The following FGD4 variants were observed in gnomAD, a reference collection of about 807,000 sequenced individuals.
FGD4 encodes FYVE, RhoGEF and PH domain containing 4.
Under a neutral mutation model 102.0 loss-of-function variants are expected in FGD4, and 42 were observed. The observed-to-expected ratio is 0.41, with a 90% confidence interval of 0.32 to 0.53. The LOEUF is 0.53. FGD4 is among the 20% of genes least tolerant of loss of function. The pLI is 0.21. For missense variants in FGD4, 902 were observed against 1,078.2 expected (o/e 0.84, Z 2.29); for synonymous variants, 380 against 375.7 (o/e 1.01, Z -0.13).
chr12:32,566,576 T>C (rs186263926), intron 2 of FGD4, among the ~76,000 whole-genome samples: 32 of 152,242 alleles, frequency 2.1e-4, no homozygotes, highest in Admixed American at 4.6e-4. Context: ...ACTTTGAACA[T>C]GCGCCATGCA....
intron 7 of FGD4, among the ~76,000 whole-genome samples, chr12:32,603,852 G>A (rs192427519): frequency 3.3e-5 from 5 of 152,014 alleles, no homozygotes; most frequent in Admixed American, 1.3e-4. Context: ...ACAGGCATGC[G>A]CCACCACCCT....
intron 2 of FGD4, among the ~76,000 whole-genome samples, chr12:32,572,815 T>C (rs1945780390): frequency 1.3e-5 from 2 of 152,228 alleles, no homozygotes; most frequent in Non-Finnish European, 2.9e-5. Flanking sequence ...TGTGATCTTG[T>C]ATATGTGTTT....
chr12:32,569,126 G>T (rs1464891071), intron 2 of FGD4, among the ~76,000 whole-genome samples: 1 of 152,016 alleles, frequency 6.6e-6, no homozygotes, highest in Admixed American at 6.6e-5. Context: ...ATCTTATCAG[G>T]AAATCTACTT....
intron 2 of FGD4, among the ~76,000 whole-genome samples, chr12:32,574,100 A>T (rs1351319354): frequency 6.6e-6 from 1 of 152,188 alleles, no homozygotes; most frequent in Non-Finnish European, 1.5e-5. Context: ...ACAGTTTAAG[A>T]GGTGGACACA....
intron 14 of FGD4, among the ~76,000 whole-genome samples, chr12:32,629,302 A>G (rs1176699028): frequency 6.6e-6 from 1 of 152,204 alleles, no homozygotes; most frequent in South Asian, 2.1e-4. Flanking sequence ...GTGTGCTGTT[A>G]ATTGACATAA....
chr12:32,434,149 C>A (rs929970355), intron 1 of FGD4, among the ~76,000 whole-genome samples: 1 of 152,154 alleles, frequency 6.6e-6, no homozygotes, highest in African/African-American at 2.4e-5. Context: ...CCACTGTGCC[C>A]GGCCTGATAA....
At chr12:32,411,378 A>G (rs1941200965) in intron 1 of FGD4, among the ~76,000 whole-genome samples, 1 of 151,864 alleles carries the variant, frequency 6.6e-6, no homozygotes, top group South Asian at 2.1e-4. Flanking sequence ...TACTAAAAAT[A>G]CAAAAGTTAG....
intron 1 of FGD4, among the ~76,000 whole-genome samples, chr12:32,491,598 T>G (rs1036038034): frequency 7.9e-5 from 12 of 152,224 alleles, no homozygotes; most frequent in African/African-American, 2.9e-4. Context: ...CCTGCTGATA[T>G]GGGAAAGGTT....
At chr12:32,431,292 A>G (rs116290651) in intron 1 of FGD4, among the ~76,000 whole-genome samples, 1,628 of 152,258 alleles carry the variant, frequency 0.011, 28 homozygotes, top group African/African-American at 0.037. Context: ...ATTGGCGGCA[A>G]TTGCGTGTAT....
At position 32,563,091 on chromosome 12, in the gene FGD4, G is replaced by C. The variant is rs1384131082; in HGVS notation, c.167-1046G>C. Among the ~76,000 whole-genome samples the C allele has an allele frequency of 3.2e-3, 467 of 147,968 alleles. 6 individuals are homozygous for C. The highest frequency in any genetic ancestry group is 0.011 in the African/African-American group (445 of 40,500). ...GACGGGGCGGCTGGCCGGGCGGGGG[G>C]CTGACCCCCCCCACCTCCCTCCCGG... is the stretch of plus-strand genomic sequence containing the variant. On this transcript the variant is annotated intron_variant, in intron 1 of 16. Transcript: ENST00000534526.
chr12:32,631,342 C>T (rs1199569363), intron 14 of FGD4, among the ~76,000 whole-genome samples: 1 of 152,050 alleles, frequency 6.6e-6, no homozygotes, highest in Non-Finnish European at 1.5e-5. Flanking sequence ...ACACAGAAAA[C>T]AGTAGGTGTT....
intron 1 of FGD4, among the ~76,000 whole-genome samples, chr12:32,431,129 T>C (rs76889130): frequency 0.038 from 5,829 of 152,280 alleles, 153 homozygotes; most frequent in Non-Finnish European, 0.059. Flanking sequence ...AAAAAAGGAA[T>C]AGAAAATTAA....
intron 1 of FGD4, among the ~76,000 whole-genome samples, chr12:32,410,689 C>T (rs1186800517): frequency 1.3e-5 from 2 of 152,032 alleles, no homozygotes; most frequent in African/African-American, 2.4e-5. Flanking sequence ...CATGCACATC[C>T]GTTCATTGGA....
At chr12:32,562,703 T>C (rs1335817468) in intron 1 of FGD4, among the ~76,000 whole-genome samples, 1 of 152,206 alleles carries the variant, frequency 6.6e-6, no homozygotes, top group Admixed American at 6.5e-5. Context: ...ACACAGCACA[T>C]GTTTCAGAGA....
At chr12:32,595,698 G>A (rs1303616686) in intron 4 of FGD4, among the ~76,000 whole-genome samples, 1 of 152,164 alleles carries the variant, frequency 6.6e-6, no homozygotes. Flanking sequence ...TAAGAAATGA[G>A]GGGTGGGAAA....
At chr12:32,600,401 C>G in intron 5 of FGD4, 1 of 1,266,964 alleles carries the variant, frequency 7.9e-7, no homozygotes, top group Non-Finnish European at 1.0e-6. Context: ...GTTCTTTTTG[C>G]CTCTCAAGAA....
chr12:32,592,969 A>G (rs1947602815), intron 4 of FGD4, among the ~76,000 whole-genome samples: 1 of 152,220 alleles, frequency 6.6e-6, no homozygotes, highest in African/African-American at 2.4e-5. Flanking sequence ...TTACAGGCAC[A>G]TATCACAGTC....
chr12:32,556,873 G>C (rs1310705641), intron 1 of FGD4: 2 of 152,182 alleles, frequency 1.3e-5, no homozygotes, highest in Admixed American at 1.3e-4. Flanking sequence ...TTGTTTTTAA[G>C]ATGGAGTCTC....
At chr12:32,578,989 T>C (rs1443851403) in intron 3 of FGD4, among the ~76,000 whole-genome samples, 2 of 151,478 alleles carry the variant, frequency 1.3e-5, no homozygotes, top group African/African-American at 4.9e-5. Context: ...TAGGAACCAC[T>C]TTAAGATTTT....
Sources: allele counts gnomAD v4.1 joint callset (sites outside exome capture counted in the v4.1 genomes callset), GRCh38; gene constraint gnomAD v4.1.1; transcripts MANE v1.5; gene names NCBI Gene and HGNC (gene_info 2026-07-23, HGNC 2026-07-21).